NRXN3: variants seen among roughly 807,000 people sequenced by gnomAD.
NRXN3 encodes the protein neurexin 3, also known as neurexin III.
A neutral mutation model predicts 137.6 loss-of-function variants in NRXN3; 32 were observed. The observed-to-expected ratio is 0.23, with a 90% confidence interval of 0.18 to 0.31. The LOEUF (loss-of-function observed/expected upper bound fraction) is 0.31. Ranked by LOEUF, NRXN3 falls within the 10% of genes least tolerant of loss-of-function variation. NRXN3 has a pLI of 1.00. For synonymous variants in NRXN3, 798 were observed against 784.5 expected, an observed-to-expected ratio of 1.02 and a Z score of -0.29; for missense variants, 1,574 against 2,062.5, an observed-to-expected ratio of 0.76 and a Z score of 4.59.
intron 8 of NRXN3, among the ~76,000 whole-genome samples, chr14:78,750,236 GC>G (rs1380405870): frequency 6.6e-6 from 1 of 152,246 alleles, no homozygotes; most frequent in East Asian, 1.9e-4. Context: ...CACCTTTGTA[GC>G]CCATGAAGTT....
At chr14:79,286,607 C>T (rs983627387) in intron 15 of NRXN3, among the ~76,000 whole-genome samples, 1 of 147,876 alleles carries the variant, frequency 6.8e-6, no homozygotes, top group African/African-American at 2.5e-5. Context: ...CAAAGCATTC[C>T]ATCTTTGGGG....
intron 20 of NRXN3, among the ~76,000 whole-genome samples, chr14:79,821,005 CA>C (rs2099270485): frequency 6.6e-6 from 1 of 151,928 alleles, no homozygotes; most frequent in Non-Finnish European, 1.5e-5. Context: ...ACAAAGGAAG[CA>C]AACAAAATGA....
chr14:78,259,512 A>C (rs1344045452), intron 2 of NRXN3, among the ~76,000 whole-genome samples: 1 of 152,146 alleles, frequency 6.6e-6, no homozygotes, highest in Non-Finnish European at 1.5e-5. Context: ...CGAGGGAAGA[A>C]ATTCTCCTAC....
chr14:79,364,067 G>T (rs953670092), intron 15 of NRXN3, among the ~76,000 whole-genome samples: 4 of 152,120 alleles, frequency 2.6e-5, no homozygotes, highest in Non-Finnish European at 5.9e-5. Flanking sequence ...TTGTGCTGTG[G>T]CCATATCTGT....
intron 6 of NRXN3, among the ~76,000 whole-genome samples, chr14:78,692,830 C>T (rs772280649): frequency 6.7e-6 from 1 of 149,586 alleles, no homozygotes; most frequent in Non-Finnish European, 1.5e-5. Context: ...CCTGTAATCC[C>T]AGCACTTTGG....
intron 4 of NRXN3, among the ~76,000 whole-genome samples, chr14:78,604,203 G>A (rs1428073437): frequency 2.0e-5 from 3 of 152,040 alleles, no homozygotes; most frequent in Admixed American, 6.5e-5. Flanking sequence ...ATCTCCTACC[G>A]GGTTTCTCTC....
At chr14:79,366,247 T>C (rs1400164607) in intron 15 of NRXN3, among the ~76,000 whole-genome samples, 1 of 152,206 alleles carries the variant, frequency 6.6e-6, no homozygotes, top group African/African-American at 2.4e-5. Context: ...GCATATAATG[T>C]GAAATATCAC....
intron 4 of NRXN3, among the ~76,000 whole-genome samples, chr14:78,309,550 A>G (rs189689384): frequency 3.1e-4 from 47 of 152,192 alleles, no homozygotes; most frequent in East Asian, 2.5e-3. Context: ...TTCAAGAAAA[A>G]AAAACTACTG....
At chr14:78,790,595 A>G (rs1356956798) in intron 8 of NRXN3, among the ~76,000 whole-genome samples, 1 of 152,188 alleles carries the variant, frequency 6.6e-6, no homozygotes, top group African/African-American at 2.4e-5. Flanking sequence ...GGTGGAGGGA[A>G]AGCAATCTGG....
At chr14:78,340,494 C>T (rs2082025662) in intron 4 of NRXN3, among the ~76,000 whole-genome samples, 1 of 152,162 alleles carries the variant, frequency 6.6e-6, no homozygotes, top group South Asian at 2.1e-4. Flanking sequence ...ACTTATGCAG[C>T]TGCATTCATC....
intron 8 of NRXN3, among the ~76,000 whole-genome samples, chr14:78,761,500 T>G (rs1350159896): frequency 6.6e-6 from 1 of 152,122 alleles, no homozygotes; most frequent in East Asian, 1.9e-4. Context: ...CTTGTTTAAC[T>G]CAATGACATT....
chr14:79,465,924 A>G (rs538969638), intron 15 of NRXN3, among the ~76,000 whole-genome samples: 2 of 152,250 alleles, frequency 1.3e-5, no homozygotes, highest in African/African-American at 4.8e-5. Context: ...CACCAAATCT[A>G]AATGATTTTC....
chr14:78,769,976 G>A (rs1301180771), intron 8 of NRXN3, among the ~76,000 whole-genome samples: 10 of 151,558 alleles, frequency 6.6e-5, no homozygotes, highest in Admixed American at 4.6e-4. Context: ...AAAAAAGGCC[G>A]CATGGGATGT....
At chr14:78,487,314 C>T (rs927825790) in intron 4 of NRXN3, among the ~76,000 whole-genome samples, 4 of 152,106 alleles carry the variant, frequency 2.6e-5, no homozygotes, top group Non-Finnish European at 5.9e-5. Flanking sequence ...TGGAGGAGGC[C>T]AGGGCAGGCT....
At chr14:79,308,359 G>A (rs901862434) in intron 15 of NRXN3, among the ~76,000 whole-genome samples, 2 of 152,024 alleles carry the variant, frequency 1.3e-5, no homozygotes, top group African/African-American at 4.8e-5. Context: ...CCAACTTTAA[G>A]AGTTAACTGC....
intron 4 of NRXN3, among the ~76,000 whole-genome samples, chr14:78,428,402 A>G (rs2093742662): frequency 6.6e-6 from 1 of 151,912 alleles, no homozygotes; most frequent in South Asian, 2.1e-4. Context: ...CCTAACCCCA[A>G]CCTAGACTAA....
intron 19 of NRXN3, among the ~76,000 whole-genome samples, chr14:79,708,742 T>C (rs1349303649): frequency 6.6e-6 from 1 of 152,134 alleles, no homozygotes; most frequent in Non-Finnish European, 1.5e-5. Context: ...ATTAATGCCT[T>C]GGGTTGTCTA....
intron 16 of NRXN3, among the ~76,000 whole-genome samples, chr14:79,529,086 G>C (rs1213985046): frequency 6.6e-6 from 1 of 152,170 alleles, no homozygotes; most frequent in Non-Finnish European, 1.5e-5. Context: ...AATTGTAAAA[G>C]GAAGGGCTTT....
chr14:79,282,777 A>G (rs1354642084), intron 15 of NRXN3, among the ~76,000 whole-genome samples: 1 of 152,230 alleles, frequency 6.6e-6, no homozygotes, highest in East Asian at 1.9e-4. Context: ...GGCTGAGATA[A>G]GAAAACTCAT....
Sources: gnomAD v4.1 joint callset for allele counts (sites outside exome capture counted in the v4.1 genomes callset) on GRCh38, gnomAD v4.1.1 for gene constraint, MANE v1.5 for transcripts, NCBI Gene and HGNC (gene_info 2026-07-23, HGNC 2026-07-21) for gene names.